The following TBC1D14 variants were observed in gnomAD, a reference collection of about 807,000 sequenced individuals.
TBC1D14 encodes the protein TBC1 domain family member 14.
Under a neutral mutation model 79.0 loss-of-function variants are expected in TBC1D14, and 26 were observed. That is an observed-to-expected ratio of 0.33 (90% confidence interval 0.24 to 0.46). TBC1D14 has a LOEUF of 0.46. Among genes scored for constraint, TBC1D14 ranks in the 20% least tolerant of loss-of-function variants. The pLI, the probability that TBC1D14 is intolerant of heterozygous loss-of-function variation, is 1.00. For missense variants in TBC1D14, 769 were observed against 887.6 expected (o/e 0.87, Z 1.70); for synonymous variants, 394 against 349.9 (o/e 1.13, Z -1.40).
intron 9 of TBC1D14, among the ~76,000 whole-genome samples, chr4:7,008,515 C>T (rs569140393): frequency 6.6e-6 from 1 of 152,296 alleles, no homozygotes; most frequent in African/African-American, 2.4e-5. Context: ...CGGGTTCAAG[C>T]GATTCTCTTG....
At chr4:6,926,109 C>G (rs1381058801) in intron 2 of TBC1D14, among the ~76,000 whole-genome samples, 3 of 152,176 alleles carry the variant, frequency 2.0e-5, no homozygotes, top group Non-Finnish European at 4.4e-5. Flanking sequence ...GGAGCGTGGC[C>G]CGTGTGCCCA....
At chr4:6,922,944 A>G (rs1433631473) in intron 1 of TBC1D14, among the ~76,000 whole-genome samples, 1 of 152,188 alleles carries the variant, frequency 6.6e-6, no homozygotes, top group Non-Finnish European at 1.5e-5. Context: ...CTCATGCCCA[A>G]AATCCCAGCA....
chr4:6,997,948 T>C (rs781601513), intron 5 of TBC1D14, among the ~76,000 whole-genome samples: 1 of 152,152 alleles, frequency 6.6e-6, no homozygotes, highest in Non-Finnish European at 1.5e-5. Context: ...GGTGGTGTGG[T>C]TGTACAGTAT....
At chr4:6,909,593 C>G (rs1049619680), upstream of TBC1D14, 2 of 151,084 alleles carry the variant, frequency 1.3e-5, no homozygotes, top group African/African-American at 4.9e-5. Context: ...GGTTGGTTCT[C>G]CGGCAAAAAA....
chr4:6,990,940 A>G (rs1718428020), intron 3 of TBC1D14, among the ~76,000 whole-genome samples: 1 of 152,174 alleles, frequency 6.6e-6, no homozygotes, highest in African/African-American at 2.4e-5. Flanking sequence ...GGGAGTGAAC[A>G]GTCCTCTTTC....
chr4:6,959,494 C>A (rs969303623), intron 2 of TBC1D14, among the ~76,000 whole-genome samples: 13 of 152,138 alleles, frequency 8.5e-5, no homozygotes, highest in Admixed American at 2.6e-4. Context: ...CTCCTGCAGG[C>A]TCACAGCCGG....
chr4:6,957,180 A>G (rs1714726370), intron 2 of TBC1D14, among the ~76,000 whole-genome samples: 1 of 152,208 alleles, frequency 6.6e-6, no homozygotes, highest in Non-Finnish European at 1.5e-5. Flanking sequence ...CCATGGGTCC[A>G]CCGGTACTTG....
chr4:6,984,042 A>G (rs1441899472), intron 3 of TBC1D14, among the ~76,000 whole-genome samples: 2 of 144,534 alleles, frequency 1.4e-5, no homozygotes, highest in Non-Finnish European at 3.0e-5. Context: ...CAGGAAACAC[A>G]TTTGTTCTTT....
chr4:7,014,625 C>G, intron 12 of TBC1D14, 68 bp downstream of exon 12: 1 of 1,097,102 alleles, frequency 9.1e-7, no homozygotes, highest in Non-Finnish European at 1.4e-6. Context: ...ACTCTCTTCT[C>G]TGCCAACTTC....
At chr4:6,944,058 A>G (rs1713189320) in intron 2 of TBC1D14, among the ~76,000 whole-genome samples, 2 of 151,914 alleles carry the variant, frequency 1.3e-5, no homozygotes, top group South Asian at 4.2e-4. Context: ...TGTGTGTGAT[A>G]GATCTTTTTA....
intron 3 of TBC1D14, among the ~76,000 whole-genome samples, chr4:6,977,696 C>A (rs963182068): frequency 2.4e-5 from 3 of 127,196 alleles, no homozygotes; most frequent in African/African-American, 8.7e-5. Context: ...GCCAGGCCGC[C>A]ATCCCATCTA....
Position 7,025,012 on chromosome 4 carries a change from C to A in TBC1D14, c.1766C>A (p.Thr589Asn). ...PDIYLIDWIF[T>N]LYSKSLPLDL... The stretch of plus-strand genomic sequence containing the variant: ...CAACTTTTACCCCCTAGGATCTTTA[C>A]CTTATATAGTAAATCTCTGCCCCTC... Residue 589 changes from threonine to asparagine, a missense_variant, in exon 13 of 14, where the codon ACC (threonine) becomes AAC (asparagine). By Grantham distance (65) the Thr-to-Asn change is moderately conservative (BLOSUM62 0). Around this residue, in one of 2 missense-constraint regions of TBC1D14, gnomAD observed 367 missense variants for 494.4 expected, o/e 0.74. Coordinates refer to ENST00000409757, the MANE Select transcript of TBC1D14 (RefSeq NM_020773.3). The A allele has an allele frequency of 6.2e-7, 1 of 1,614,150 alleles. No homozygotes were observed. Among genetic ancestry groups the A allele is most frequent in the Non-Finnish European group, 8.5e-7 (1 of 1,180,030 alleles).
intron 2 of TBC1D14, among the ~76,000 whole-genome samples, chr4:6,961,761 G>C (rs1715222248): frequency 6.6e-6 from 1 of 152,126 alleles, no homozygotes; most frequent in Admixed American, 6.5e-5. Context: ...GTACCTGCGG[G>C]GTGCCTGAAG....
chr4:6,969,893 G>T (rs1716074960), intron 3 of TBC1D14, among the ~76,000 whole-genome samples: 1 of 152,154 alleles, frequency 6.6e-6, no homozygotes, highest in Non-Finnish European at 1.5e-5. Context: ...ATTCAATCCT[G>T]CCCGGGACCT....
At chr4:6,985,119 A>T (rs537826463) in intron 3 of TBC1D14, among the ~76,000 whole-genome samples, 1 of 152,330 alleles carries the variant, frequency 6.6e-6, no homozygotes, top group East Asian at 1.9e-4. Flanking sequence ...AAAAAATTGA[A>T]CCATTTGCAG....
intron 3 of TBC1D14, among the ~76,000 whole-genome samples, chr4:6,970,044 A>G (rs1048726933): frequency 6.6e-5 from 10 of 152,134 alleles, no homozygotes; most frequent in Admixed American, 1.3e-4. Context: ...TGTCATAGGC[A>G]TGGGCTCACA....
At chr4:6,947,741 G>C (rs1458232563) in intron 2 of TBC1D14, among the ~76,000 whole-genome samples, 1 of 151,896 alleles carries the variant, frequency 6.6e-6, no homozygotes, top group Non-Finnish European at 1.5e-5. Flanking sequence ...TTAAATATTA[G>C]AGAGTGTTTG....
At chr4:7,022,591 C>T (rs576138014) in intron 12 of TBC1D14, among the ~76,000 whole-genome samples, 198 of 152,248 alleles carry the variant, frequency 1.3e-3, no homozygotes, top group African/African-American at 4.3e-3. Context: ...GCCCAGAGGC[C>T]GCAGTGAGTA....
chr4:7,026,911 A>C (rs548836773), intron 13 of TBC1D14, among the ~76,000 whole-genome samples: 41 of 151,760 alleles, frequency 2.7e-4, no homozygotes, highest in Non-Finnish European at 4.9e-4. Flanking sequence ...AAACAAACAA[A>C]CAAACAAAAA....
Sources: allele counts gnomAD v4.1 joint callset (sites outside exome capture counted in the v4.1 genomes callset), GRCh38; gene constraint gnomAD v4.1.1; regional missense constraint gnomAD v4.1.1; transcripts MANE v1.5; gene names NCBI Gene and HGNC (gene_info 2026-07-23, HGNC 2026-07-21).